Variants in EXOC6B observed in about 807,000 individuals in gnomAD.
EXOC6B encodes the protein SEC15 homolog B.
EXOC6B carries 54 observed loss-of-function variants against 113.5 expected under a neutral mutation model. That is an observed-to-expected ratio of 0.48 (90% CI 0.38 to 0.60). The LOEUF (loss-of-function observed/expected upper bound fraction) is 0.60, where lower values mean the gene tolerates loss of function less well. Among genes scored for constraint, EXOC6B ranks in the 20% least tolerant of loss-of-function variants. The probability of loss-of-function intolerance (pLI) is 0.00; values close to 1 mark genes in which losing one functional copy is unlikely to be tolerated. For synonymous variants in EXOC6B, 357 were observed against 339.0 expected, an observed-to-expected ratio of 1.05 and a Z score of -0.58; for missense variants, 797 against 977.5, an observed-to-expected ratio of 0.82 and a Z score of 2.46.
chr2:72,583,140 C>A (rs926628821), intron 6 of EXOC6B, among the ~76,000 whole-genome samples: 3 of 151,884 alleles, frequency 2.0e-5, no homozygotes, highest in African/African-American at 7.3e-5. Context: ...CCTAACCCAG[C>A]CAGACAAAAA....
At chr2:72,768,452 C>T (rs560435104) in intron 1 of EXOC6B, among the ~76,000 whole-genome samples, 1 of 151,894 alleles carries the variant, frequency 6.6e-6, no homozygotes, top group Admixed American at 6.6e-5. Flanking sequence ...CTACCACCCC[C>T]GGCTAATTTT....
At chr2:72,551,259 G>A (rs1007634369) in intron 8 of EXOC6B, among the ~76,000 whole-genome samples, 5 of 151,968 alleles carry the variant, frequency 3.3e-5, no homozygotes, top group East Asian at 1.9e-4. Context: ...GTGCAGTGGC[G>A]CGATCTCGGC....
At chr2:72,343,441 AAAG>A (rs1435925191) in intron 19 of EXOC6B, among the ~76,000 whole-genome samples, 1 of 152,192 alleles carries the variant, frequency 6.6e-6, no homozygotes, top group Non-Finnish European at 1.5e-5. Flanking sequence ...AACAAAACAA[AAAG>A]AAGTTGCCAA....
intron 6 of EXOC6B, among the ~76,000 whole-genome samples, chr2:72,649,420 G>C (rs1307222992): frequency 1.3e-5 from 2 of 152,038 alleles, no homozygotes; most frequent in Non-Finnish European, 2.9e-5. Flanking sequence ...ATCCTGATGT[G>C]ACTATTATTA....
intron 8 of EXOC6B, among the ~76,000 whole-genome samples, chr2:72,543,277 G>GA: frequency 1.3e-5 from 2 of 152,262 alleles, no homozygotes; most frequent in South Asian, 4.1e-4. Context: ...AGAAAAATGG[G>GA]AAACAAATAT....
chr2:72,239,333 A>T (rs1039455299), intron 20 of EXOC6B, among the ~76,000 whole-genome samples: 2 of 152,194 alleles, frequency 1.3e-5, no homozygotes, highest in Admixed American at 6.5e-5. Flanking sequence ...TAGGTCTTTG[A>T]TACACTTTGA....
chr2:72,237,008 T>C (rs931378151), intron 20 of EXOC6B, among the ~76,000 whole-genome samples: 1 of 152,126 alleles, frequency 6.6e-6, no homozygotes, highest in Non-Finnish European at 1.5e-5. Flanking sequence ...TACACATAGT[T>C]AATATTTCCT....
At chr2:72,749,820 A>G (rs954861419) in intron 1 of EXOC6B, among the ~76,000 whole-genome samples, 1 of 151,958 alleles carries the variant, frequency 6.6e-6, no homozygotes, top group African/African-American at 2.4e-5. Context: ...GTATGGTAGA[A>G]ACACAGCAGT....
chr2:72,469,567 G>A (rs1485825045), intron 17 of EXOC6B, among the ~76,000 whole-genome samples: 2 of 151,746 alleles, frequency 1.3e-5, no homozygotes, highest in Non-Finnish European at 2.9e-5. Flanking sequence ...GAAATATGTT[G>A]TTTAATCTCC....
chr2:72,286,472 CAG>C (rs1685425765), intron 20 of EXOC6B, among the ~76,000 whole-genome samples: 2 of 152,082 alleles, frequency 1.3e-5, no homozygotes, highest in Admixed American at 1.3e-4. Context: ...AGAAAAAGAT[CAG>C]TGGCTGCCAG....
chr2:72,396,364 G>T (rs563812929), intron 18 of EXOC6B, among the ~76,000 whole-genome samples: 2 of 152,032 alleles, frequency 1.3e-5, no homozygotes, highest in East Asian at 1.9e-4. Context: ...TGCTATCAAA[G>T]AACTCATTAA....
intron 1 of EXOC6B, among the ~76,000 whole-genome samples, chr2:72,776,580 C>T (rs1311896841): frequency 2.6e-5 from 4 of 151,754 alleles, no homozygotes; most frequent in Non-Finnish European, 5.9e-5. Context: ...TCGTGCCATG[C>T]CACTGCACTC....
In EXOC6B at chr2:72,765,523, C is replaced by G. The variant is rs148228474; in HGVS notation, c.114-24054G>C. On this transcript the variant is annotated intron_variant, in intron 1 of 21. Coordinates refer to ENST00000272427, the MANE Select transcript of EXOC6B (RefSeq NM_015189.3). ...CCCCCCTCTCTACTAAATTACAAAA[C>G]TTAGCCAGCCATGATGACTGGTGCC... is the stretch of plus-strand genomic sequence containing the variant. Among the ~76,000 whole-genome samples, 46 of 151,988 alleles carry G rather than the reference C, an allele frequency of 3.0e-4. No individual in the cohort carries two copies. The East Asian group carries it at 8.9e-3, about 30-fold the overall frequency.
At chr2:72,384,288 A>T (rs567385636) in intron 18 of EXOC6B, among the ~76,000 whole-genome samples, 4 of 152,280 alleles carry the variant, frequency 2.6e-5, no homozygotes, top group African/African-American at 9.6e-5. Flanking sequence ...TAGATGCAGA[A>T]AAGGCATTTG....
chr2:72,446,440 A>T (rs1214078753), intron 18 of EXOC6B, among the ~76,000 whole-genome samples: 1 of 152,168 alleles, frequency 6.6e-6, no homozygotes, highest in Non-Finnish European at 1.5e-5. Flanking sequence ...AATACTATGC[A>T]GGCATTAAAA....
rs183710156 is a variant in EXOC6B, at chr2:72,538,104, C to T, written c.915+21349G>A. 3.3e-3 allele frequency among the ~76,000 whole-genome samples: 506 copies of T among 151,706 alleles called. 11 individuals are homozygous for T. The highest frequency in any genetic ancestry group is 0.03 in the Admixed American group (463 of 15,210). On this transcript the variant is annotated intron_variant, in intron 8 of 21. Coordinates refer to ENST00000272427, the MANE Select transcript of EXOC6B (RefSeq NM_015189.3). ...CCCAAAGTAACTAGGACTGCAGGTA[C>T]GTACAACCACAGCCGGCTAATTTTT...
At chr2:72,783,192 T>TTTC (rs1178090684) in intron 1 of EXOC6B, among the ~76,000 whole-genome samples, 2 of 151,768 alleles carry the variant, frequency 1.3e-5, no homozygotes, top group Non-Finnish European at 2.9e-5. Flanking sequence ...TGGGGTTTTT[T>TTTC]TTTTTTGTCT....
chr2:72,792,499 CT>C (rs1684729506), intron 1 of EXOC6B, among the ~76,000 whole-genome samples: 1 of 152,180 alleles, frequency 6.6e-6, no homozygotes, highest in Admixed American at 6.5e-5. Flanking sequence ...ATTTCATCCA[CT>C]TTTAAATTTT....
In EXOC6B at chr2:72,494,159, CATCTGACATT is replaced by C. The variant is rs377329276; in HGVS notation, c.1553+1261_1553+1270del. Among the ~76,000 whole-genome samples, 22 of 152,176 alleles carry C rather than the reference CATCTGACATT, an allele frequency of 1.4e-4. 2 individuals are homozygous for C. The highest frequency in any genetic ancestry group is 4.6e-4 in the African/African-American group (19 of 41,528). ...TTCACATATTCAGGCAAGAAAAAGG[CATCTGACATT>C]ATCCCATTACTAATATTATTCCTTT... On this transcript the variant is annotated intron_variant, in intron 15 of 21. Coordinates refer to ENST00000272427, the MANE Select transcript of EXOC6B (RefSeq NM_015189.3).
Sources: allele counts gnomAD v4.1 joint callset (sites outside exome capture counted in the v4.1 genomes callset), GRCh38; gene constraint gnomAD v4.1.1; transcripts MANE v1.5; gene names NCBI Gene and HGNC (gene_info 2026-07-23, HGNC 2026-07-21).